Variants in USH2A observed in about 807,000 individuals in gnomAD.
USH2A encodes usherin, also known as Usher syndrome 2A (autosomal recessive, mild).
A neutral mutation model predicts 538.9 loss-of-function variants in USH2A; 443 were observed. That is an observed-to-expected ratio of 0.82 (90% CI 0.76 to 0.89). The LOEUF (loss-of-function observed/expected upper bound fraction) is 0.89. Ranked by LOEUF, USH2A falls within the 40% of genes least tolerant of loss-of-function variation. The pLI, the probability that USH2A is intolerant of heterozygous loss-of-function variation, is 0.00. For missense variants in USH2A, 6,633 were observed against 6,324.8 expected, an observed-to-expected ratio of 1.05 and a Z score of -1.65; for synonymous variants, 2,413 against 2,273.5, an observed-to-expected ratio of 1.06 and a Z score of -1.75.
intron 35 of USH2A, among the ~76,000 whole-genome samples, chr1:215,986,090 T>G (rs1667866389): frequency 6.6e-6 from 1 of 152,034 alleles, no homozygotes; most frequent in South Asian, 2.1e-4. Flanking sequence ...AGACCATGTC[T>G]AATGGGTGCC....
chr1:215,886,220 A>T (rs1187680403), intron 41 of USH2A, among the ~76,000 whole-genome samples: 10 of 152,220 alleles, frequency 6.6e-5, no homozygotes. Flanking sequence ...TGCATTAATG[A>T]CTATCCTTCT....
intron 4 of USH2A, among the ~76,000 whole-genome samples, chr1:216,332,424 G>A (rs755684962): frequency 6.6e-5 from 10 of 152,168 alleles, no homozygotes; most frequent in Middle Eastern, 3.4e-3. Context: ...GTCCATAAAC[G>A]CTTTGCAAAT....
rs79319239 is a variant in USH2A at position 216,051,111 on chromosome 1, T to C, written c.6050-2464A>G. 3.0e-4 allele frequency among the ~76,000 whole-genome samples: 45 copies of C among 152,222 alleles called. 1 individual carries two copies. The East Asian group carries it at 6.0e-3, about 20-fold the overall frequency. On this transcript the variant is annotated intron_variant, in intron 30 of 71. Coordinates refer to ENST00000307340, the MANE Select transcript of USH2A (RefSeq NM_206933.4). ...CTTAAATAGCTTTTGTTTCTCAAGA[T>C]TGGGTTGTTGTCAAGCTTCTTTCTT...
intron 30 of USH2A, among the ~76,000 whole-genome samples, chr1:216,061,261 T>C (rs115234120): frequency 0.01 from 1,562 of 152,332 alleles, 34 homozygotes; most frequent in African/African-American, 0.036. Context: ...TTGATATTCA[T>C]TTTTAATAAT....
At position 215,741,316 on chromosome 1, in the gene USH2A, T is replaced by C. The variant is rs1660293270; in HGVS notation, c.11711+59A>G. The C allele has an allele frequency of 4.5e-6, 7 of 1,561,234 alleles. 1 individual carries two copies. In the East Asian group the frequency reaches 1.6e-4, roughly 35 times the overall value. On this transcript the variant is annotated intron_variant, in intron 60 of 71. Transcript: ENST00000307340. The stretch of plus-strand genomic sequence containing the variant: ...AAATATAAAATGCTCTTGATTCTGC[T>C]GTGTTGGAGCAGTACGCATTCTTAA...
intron 4 of USH2A, among the ~76,000 whole-genome samples, chr1:216,335,299 A>T (rs1187380147): frequency 6.6e-6 from 1 of 151,688 alleles, no homozygotes; most frequent in Non-Finnish European, 1.5e-5. Flanking sequence ...TAGTGTTTAA[A>T]GTGATATTTA....
At chr1:215,710,473 TTCTTATGTACA>T (rs1278662239) in intron 61 of USH2A, among the ~76,000 whole-genome samples, 9 of 151,974 alleles carry the variant, frequency 5.9e-5, no homozygotes, top group Non-Finnish European at 8.8e-5. Flanking sequence ...CAAAAACTCT[TTCTTATGTACA>T]TCTCAACTGC....
At chr1:216,148,391 C>A (rs1471965200) in intron 21 of USH2A, among the ~76,000 whole-genome samples, 1 of 150,322 alleles carries the variant, frequency 6.7e-6, no homozygotes, top group Non-Finnish European at 1.5e-5. Flanking sequence ...TCTTCCCAAT[C>A]CAAAGCCTCC....
intron 60 of USH2A, among the ~76,000 whole-genome samples, chr1:215,739,087 C>T (rs1660232123): frequency 1.3e-5 from 2 of 152,082 alleles, no homozygotes; most frequent in African/African-American, 2.4e-5. Context: ...TATCTGGAGC[C>T]CCAGTGCGCC....
intron 21 of USH2A, among the ~76,000 whole-genome samples, chr1:216,126,219 GTTGTTTTGTTT>G (rs2033250733): frequency 1.5e-5 from 2 of 132,240 alleles, no homozygotes; most frequent in Admixed American, 1.7e-4. Context: ...TTTTGTTGTT[GTTGTTTTGTTT>G]TTGTTTTTTT....
chr1:216,276,872 C>T (rs993652124), intron 11 of USH2A, among the ~76,000 whole-genome samples: 2 of 152,060 alleles, frequency 1.3e-5, no homozygotes, highest in Non-Finnish European at 2.9e-5. Flanking sequence ...CCAGGTTGCT[C>T]CCACAACACG....
intron 53 of USH2A, among the ~76,000 whole-genome samples, 158 bp from the exon 54 acceptor site, chr1:215,782,354 A>C (rs1661667558): frequency 6.6e-6 from 1 of 151,692 alleles, no homozygotes; most frequent in African/African-American, 2.4e-5. Flanking sequence ...TCCTAATTAT[A>C]CTATTATGGA....
At chr1:216,413,154 C>A (rs139192870) in intron 3 of USH2A, among the ~76,000 whole-genome samples, 2 of 151,844 alleles carry the variant, frequency 1.3e-5, no homozygotes, top group Admixed American at 1.3e-4. Context: ...GAAGGCTTTG[C>A]ACAAAGAAAC....
At chr1:215,676,279 G>T (rs1658022837) in intron 62 of USH2A, among the ~76,000 whole-genome samples, 1 of 152,096 alleles carries the variant, frequency 6.6e-6, no homozygotes, top group Admixed American at 6.5e-5. Context: ...TTGCTCCTTT[G>T]GGGGCAAAGT....
At chr1:215,908,257 A>G (rs1665688422) in intron 38 of USH2A, among the ~76,000 whole-genome samples, 2 of 152,068 alleles carry the variant, frequency 1.3e-5, no homozygotes, top group Non-Finnish European at 2.9e-5. Context: ...TTTAAGTCTA[A>G]TTATTGCTTT....
Position 216,174,154 on chromosome 1 carries a change from A to C in USH2A, c.4627+1098T>G, listed in dbSNP as rs191942383. The C allele has an allele frequency of 1.6e-4, 160 of 984,750 alleles. 2 individuals are homozygous for C. The African/African-American group carries it at 2.0e-3, about 12-fold the overall frequency. The allele number at this position is 984,750 out of a possible 1,614,324, so 61.0% of individuals were successfully genotyped here. On this transcript the variant is annotated intron_variant, in intron 21 of 71. Coordinates refer to ENST00000307340, the MANE Select transcript of USH2A (RefSeq NM_206933.4). ...TGAAAAGCAAACTATTTACTATTTT[A>C]AGTAAAAATAAAACAATACAAATTT...
At chr1:216,332,033 A>G (rs1235147536) in intron 4 of USH2A, among the ~76,000 whole-genome samples, 2 of 152,152 alleles carry the variant, frequency 1.3e-5, no homozygotes, top group African/African-American at 4.8e-5. Flanking sequence ...ATGGCATTTT[A>G]GCTTTCCTAT....
chr1:216,281,865 G>GTTTTTT (rs766030449), intron 11 of USH2A, among the ~76,000 whole-genome samples: 147 of 96,400 alleles, frequency 1.5e-3, no homozygotes, highest in Middle Eastern at 0.011. Context: ...GTTTTTGTCT[G>GTTTTTT]TTTTTTTTTT....
intron 4 of USH2A, among the ~76,000 whole-genome samples, chr1:216,349,244 C>T (rs983756644): frequency 2.0e-5 from 3 of 152,048 alleles, no homozygotes; most frequent in African/African-American, 7.2e-5. Flanking sequence ...AATATCATCA[C>T]CCCTATTCAG....
Sources: allele counts gnomAD v4.1 joint callset (sites outside exome capture counted in the v4.1 genomes callset), GRCh38; gene constraint gnomAD v4.1.1; transcripts MANE v1.5; gene names NCBI Gene and HGNC (gene_info 2026-07-23, HGNC 2026-07-21).